The following CCDC183 variants were observed in gnomAD, a reference collection of about 807,000 sequenced individuals.
The protein encoded by CCDC183 is coiled-coil domain-containing protein 183.
A neutral mutation model predicts 65.2 loss-of-function variants in CCDC183; 63 were observed. That is an observed-to-expected ratio of 0.97 (90% confidence interval 0.79 to 1.19). CCDC183 has a LOEUF of 1.19. Ranked by LOEUF, CCDC183 falls within the 50% of genes most tolerant of loss-of-function variation. The probability of loss-of-function intolerance (pLI) is 0.00; values close to 1 mark genes in which losing one functional copy is unlikely to be tolerated. For missense variants in CCDC183, 769 were observed against 689.3 expected (o/e 1.12, Z -1.30); for synonymous variants, 323 against 276.5 (o/e 1.17, Z -1.67).
At chr9:136,802,941 GC>G (rs36135653) in intron 6 of CCDC183, among the ~76,000 whole-genome samples, 155 bp downstream of exon 6, 2 of 7,310 alleles carry the variant, frequency 2.7e-4, no homozygotes, top group Non-Finnish European at 6.9e-4. Context: ...AGGGCCCAGG[GC>G]CGGGGGCCCC....
rs1564352623 is a variant in CCDC183 at position 136,806,666 on chromosome 9, G to A, written c.1272G>A (p.Ala424=). 5 of 1,613,416 alleles carry A rather than the reference G, an allele frequency of 3.1e-6. No individual in the cohort carries two copies. Among genetic ancestry groups the A allele is most frequent in the South Asian group, 2.2e-5 (2 of 91,076 alleles). Residue 424 remains alanine, a synonymous_variant, in exon 11 of 14, where the codon GCG becomes GCA. Coordinates refer to ENST00000338005, the MANE Select transcript of CCDC183 (RefSeq NM_001039374.5). The part of the protein sequence containing the change: ...YVRLMGINLP[A]TQREVVLSNT... ...GGCTGATGGGCATTAACTTGCCTGCGACCCAGGTACCGGGAGTGAGGCTGA... is the reference window on the plus strand; with the variant it reads ...GGCTGATGGGCATTAACTTGCCTGCAACCCAGGTACCGGGAGTGAGGCTGA...
At chr9:136,802,365 A>G (rs1847749076) in intron 5 of CCDC183, among the ~76,000 whole-genome samples, 2 of 152,220 alleles carry the variant, frequency 1.3e-5, no homozygotes, top group African/African-American at 2.4e-5. Flanking sequence ...TCAAAGCAGA[A>G]CTGTCCCCAA....
intron 5 of CCDC183, chr9:136,800,877 C>T (rs1335920089): frequency 4.6e-6 from 1 of 218,586 alleles, no homozygotes; most frequent in Non-Finnish European, 9.2e-6. Context: ...CCCAGCCAGC[C>T]CACCCGCCCT....
rs759906358 is a variant in CCDC183 at position 136,807,024 on chromosome 9, A to C, written c.1444A>C (p.Asn482His). The change falls in exon 13 of 14, where the codon AAC becomes CAC. Residue 482 changes from asparagine (N) to histidine (H), a missense_variant. Transcript: ENST00000338005. ...LESSTLMEKY[N>H]TRISFENREE... is the part of the protein sequence containing the mutation. Reference sequence around the variant, plus strand: ...GTCCTCGACTCTGATGGAGAAGTACAACACCAGGATCAGCTTTGAGAACCG... The same window carrying C: ...GTCCTCGACTCTGATGGAGAAGTACCACACCAGGATCAGCTTTGAGAACCG... 6 of 1,613,586 alleles carry C rather than the reference A, an allele frequency of 3.7e-6. No homozygotes were observed. The South Asian group carries it at 6.6e-5, about 18-fold the overall frequency.
At position 136,804,730 on chromosome 9, in the gene CCDC183, C is replaced by T. The variant is rs759513980; in HGVS notation, c.793-32C>T. ...AGGGCCCACTCCCTGCCAAGGATGT[C>T]TCATCCCTTCCCCGCCCCCACCTCC... On this transcript the variant is annotated intron_variant, in intron 7 of 13. Transcript: ENST00000338005. The surrounding 1 kb of genome is among the most constrained non-coding windows in gnomAD (Gnocchi z 4.1). 6.2e-7 allele frequency: 1 copy of T among 1,613,282 alleles called. No individual in the cohort carries two copies. The highest frequency in any genetic ancestry group is 8.5e-7 in the Non-Finnish European group (1 of 1,179,522).
chr9:136,802,150 G>A (rs968175792), intron 5 of CCDC183, among the ~76,000 whole-genome samples: 3 of 152,184 alleles, frequency 2.0e-5, no homozygotes, highest in Non-Finnish European at 2.9e-5. Context: ...GTATGTACCT[G>A]GTTCTGGGCT....
rs755242474 is a variant in CCDC183, at chr9:136,800,642, A to AC, written c.543+150dup. On this transcript the variant is annotated intron_variant, in intron 5 of 13. Coordinates refer to ENST00000338005, the MANE Select transcript of CCDC183 (RefSeq NM_001039374.5). ...CGCAGGACGCCGAGGCATGTGGAAA[A>AC]CGTTTTTTTAAACTTCATTTTTGGC... The AC allele has an allele frequency of 4.9e-6, 3 of 613,930 alleles. No individual in the cohort carries two copies. In the East Asian group the frequency reaches 8.4e-5, roughly 17 times the overall value. 38.0% of individuals were successfully genotyped at this position (613,930 alleles called of 1,614,324 possible).
intron 9 of CCDC183, 43 bp downstream of exon 9, chr9:136,805,500 G>C: frequency 6.3e-7 from 1 of 1,577,104 alleles, no homozygotes; most frequent in East Asian, 2.2e-5. Context: ...GAGGGTGGCT[G>C]AGCCTCTCAC....
Position 136,800,651 on chromosome 9 carries a change from T to C in CCDC183, c.543+158T>C. On this transcript the variant is annotated intron_variant, in intron 5 of 13. Coordinates refer to ENST00000338005, the MANE Select transcript of CCDC183 (RefSeq NM_001039374.5). Reference sequence around the variant, plus strand: ...CCGAGGCATGTGGAAAACGTTTTTTTAAACTTCATTTTTGGCTATTCCAAA... The same window carrying C: ...CCGAGGCATGTGGAAAACGTTTTTTCAAACTTCATTTTTGGCTATTCCAAA... 3 of 604,882 alleles carry C rather than the reference T, an allele frequency of 5.0e-6. No individual in the cohort carries two copies. In the South Asian group the frequency reaches 5.9e-5, roughly 12 times the overall value. The allele number at this position is 604,882 out of a possible 1,614,324, so 37.5% of individuals were successfully genotyped here.
In CCDC183 at chr9:136,804,220, T is replaced by C. The variant is rs1847801874; in HGVS notation, c.667-282T>C. 2 of 407,528 alleles carry C rather than the reference T, an allele frequency of 4.9e-6. No individual in the cohort carries two copies. Among genetic ancestry groups the C allele is most frequent in the Non-Finnish European group, 9.1e-6 (2 of 219,086 alleles). 25.2% of individuals were successfully genotyped at this position (407,528 alleles called of 1,614,324 possible). ...TGTCTTCAGGCAGGCTGAATGCACTTCCGTGAGTTCTAGGTGGACCTGGCC... is the reference window on the plus strand; with the variant it reads ...TGTCTTCAGGCAGGCTGAATGCACTCCCGTGAGTTCTAGGTGGACCTGGCC... On this transcript the variant is annotated intron_variant, in intron 6 of 13. Coordinates refer to ENST00000338005, the MANE Select transcript of CCDC183 (RefSeq NM_001039374.5). The surrounding 1 kb of genome is among the most constrained non-coding windows in gnomAD (Gnocchi z 4.1).
chr9:136,807,231 G>A lies in CCDC183; in HGVS notation c.1486+165G>A, dbSNP rs1474411212. On this transcript the variant is annotated intron_variant, in intron 13 of 13. Transcript: ENST00000338005. The stretch of plus-strand genomic sequence containing the variant: ...TAATTGATGGAGGTGACTTAGTGAT[G>A]CCATGGGGAGGCTAAAGCCACTGAA... 9 of 668,606 alleles carry A rather than the reference G, an allele frequency of 1.3e-5. No homozygotes were observed. The Admixed American group carries it at 1.4e-4, about 10-fold the overall frequency. 41.4% of individuals were successfully genotyped at this position (668,606 alleles called of 1,614,324 possible). A position where few individuals can be genotyped will look rare whatever the true frequency, so the allele number is the denominator to read the frequency against.
In CCDC183 at chr9:136,806,641, G is replaced by A. The variant is rs200035982; in HGVS notation, c.1247G>A (p.Arg416Gln). ...ATGGGCATCGACAACCTCTATGTCC[G>A]GCTGATGGGCATTAACTTGCCTGCG... ...IQMGIDNLYVRLMGINLPATQ... is the reference protein window; with the variant it reads ...IQMGIDNLYVQLMGINLPATQ... Residue 416 changes from arginine (R) to glutamine (Q), a missense_variant, in exon 11 of 14, where the codon CGG becomes CAG. Arg to Gln is a conservative substitution (Grantham distance 43). Transcript: ENST00000338005. 17 of 1,613,694 alleles carry A rather than the reference G, an allele frequency of 1.1e-5. No individual in the cohort carries two copies. Among genetic ancestry groups the A allele is most frequent in the East Asian group, 6.7e-5 (3 of 44,892 alleles).
chr9:136,806,706 G>A (rs762902888), intron 11 of CCDC183, 34 bp downstream of exon 11: 2 of 1,613,358 alleles, frequency 1.2e-6, no homozygotes, highest in Non-Finnish European at 1.7e-6. Context: ...CCACACACCA[G>A]GTCCCTGGGC....
Position 136,807,618 on chromosome 9 carries a change from C to A in CCDC183, c.1533C>A (p.Arg511=), listed in dbSNP as rs370086164. 6 of 1,605,840 alleles carry A rather than the reference C, an allele frequency of 3.7e-6. No homozygotes were observed. Among genetic ancestry groups the A allele is most frequent in the African/African-American group, 1.3e-5 (1 of 74,312 alleles). The change falls in exon 14 of 14, where the codon CGC becomes CGA. Residue 511 remains arginine, a synonymous_variant. Transcript: ENST00000338005. ...TGGACCACAGCTACGTCCCTTCGCG[C>A]GCCGAGATCAAGAGGCAGGCGCAGC... The part of the protein sequence containing the change: ...PDMDHSYVPS[R]AEIKRQAQRL...
At chr9:136,799,586 G>A in intron 2 of CCDC183, 127 bp from the exon 3 acceptor site, 1 of 835,132 alleles carries the variant, frequency 1.2e-6, no homozygotes, top group Non-Finnish European at 1.9e-6. Context: ...TCTGCTCCTC[G>A]TGGAAGCAGG....
chr9:136,805,047 C>T (rs1588335460), intron 8 of CCDC183: 1 of 598,388 alleles, frequency 1.7e-6, no homozygotes, highest in Non-Finnish European at 3.0e-6. Context: ...GGCCCAGTCC[C>T]CAGTGACTCT....
chr9:136,804,380 G>T lies in CCDC183; in HGVS notation c.667-122G>T. 7.4e-7 allele frequency: 1 copy of T among 1,348,602 alleles called. No homozygotes were observed. The highest frequency in any genetic ancestry group is 9.9e-7 in the Non-Finnish European group (1 of 1,005,806). 83.5% of individuals were successfully genotyped at this position (1,348,602 alleles called of 1,614,324 possible). On this transcript the variant is annotated intron_variant, in intron 6 of 13. Coordinates refer to ENST00000338005, the MANE Select transcript of CCDC183 (RefSeq NM_001039374.5). The surrounding 1 kb of genome is among the most constrained non-coding windows in gnomAD (Gnocchi z 4.1). ...GGTTTAGGAAAAGGGTGTGGCCATT[G>T]GCCGGGGATGCAGTTCCAAAGTCTA...
rs780118428 is a variant in CCDC183, at chr9:136,806,164, G to A, written c.1035G>A (p.Gln345=). Residue 345 remains glutamine (Q), a synonymous_variant, in exon 10 of 14, where the codon CAG becomes CAA. Transcript: ENST00000338005. The part of the protein sequence containing the change: ...QMEDCEEWRV[Q]LKALVKQLEL... ...AGGACTGTGAGGAGTGGCGGGTGCAGCTGAAGGCCCTGGTGAAGCAGCTGG... is the reference window on the plus strand; with the variant it reads ...AGGACTGTGAGGAGTGGCGGGTGCAACTGAAGGCCCTGGTGAAGCAGCTGG... The A allele has an allele frequency of 6.4e-7, 1 of 1,552,048 alleles. No homozygotes were observed. The highest frequency in any genetic ancestry group is 1.2e-5 in the South Asian group (1 of 84,136).
At chr9:136,800,223 G>A (rs1378203491) in intron 4 of CCDC183, 54 bp downstream of exon 4, 2 of 1,385,924 alleles carry the variant, frequency 1.4e-6, no homozygotes. Context: ...CAAGACTCAC[G>A]GGAGGGGCGG....
Sources: allele counts gnomAD v4.1 joint callset (sites outside exome capture counted in the v4.1 genomes callset), GRCh38; gene constraint gnomAD v4.1.1; non-coding constraint Gnocchi (gnomAD v3.1); transcripts MANE v1.5; gene names NCBI Gene and HGNC (gene_info 2026-07-23, HGNC 2026-07-21).